SLC75A1: variants seen among roughly 807,000 people sequenced by gnomAD.
The protein encoded by SLC75A1 is solute carrier family 75 member 1.
the SLC75A1 span, chr4:2,932,893 C>T: frequency 1.6e-6 from 2 of 1,213,496 alleles, no homozygotes. Flanking sequence ...CTTGCGTTCT[C>T]AGTGCCTTCC....
At chr4:2,932,664 T>C in the SLC75A1 span, 1 of 1,611,582 alleles carries the variant, frequency 6.2e-7, no homozygotes, top group Non-Finnish European at 8.5e-7. Flanking sequence ...GAGGCTGACG[T>C]TCCCTTTGCT....
chr4:2,934,284 TCCCGA>T, the SLC75A1 span: 1 of 154,984 alleles, frequency 6.5e-6, no homozygotes. Flanking sequence ...GGAACCCGGA[TCCCGA>T]TCCCGATCCC....
chr4:2,934,078 C>A, the SLC75A1 span: 2 of 808,274 alleles, frequency 2.5e-6, no homozygotes, highest in Non-Finnish European at 3.8e-6. Context: ...ACGCAGGGGC[C>A]GTTCTGGCCT....
chr4:2,931,728 G>C, the SLC75A1 span: 1 of 1,554,498 alleles, frequency 6.4e-7, no homozygotes, highest in South Asian at 1.1e-5. Context: ...GCCAGGGCGA[G>C]AGTGGCTGCC....
the SLC75A1 span, chr4:2,931,192 G>T: frequency 1.3e-6 from 2 of 1,557,842 alleles, no homozygotes; most frequent in Non-Finnish European, 8.7e-7. Flanking sequence ...CCCTTCTCCC[G>T]CTCAGGTGGC....
the SLC75A1 span, chr4:2,931,356 C>A: frequency 6.5e-7 from 1 of 1,545,010 alleles, no homozygotes; most frequent in Non-Finnish European, 8.7e-7. Context: ...GGATCCCCTG[C>A]CAGGGCAGGG....
chr4:2,932,912 A>G, the SLC75A1 span: 1 of 1,104,350 alleles, frequency 9.1e-7, no homozygotes, highest in South Asian at 1.6e-5. Context: ...CCTAGGGGCC[A>G]GGAGCAGCTC....
chr4:2,933,393 C>T, the SLC75A1 span, among the ~76,000 whole-genome samples: 1 of 152,180 alleles, frequency 6.6e-6, no homozygotes, highest in Non-Finnish European at 1.5e-5. Context: ...GAACGTGACA[C>T]GCGGAGGCAA....
At chr4:2,931,948 T>C in the SLC75A1 span, 1 of 1,600,994 alleles carries the variant, frequency 6.2e-7, no homozygotes, top group Admixed American at 1.7e-5. Context: ...TGGGGAGAGG[T>C]GGCGCGTGCT....
At chr4:2,932,142 G>A in the SLC75A1 span, 8 of 1,606,596 alleles carry the variant, frequency 5.0e-6, no homozygotes, top group African/African-American at 1.3e-5. Flanking sequence ...ACCCCAGGGC[G>A]ATAGAGGGCG....
chr4:2,932,129 G>A, the SLC75A1 span: 19 of 1,609,116 alleles, frequency 1.2e-5, no homozygotes, highest in African/African-American at 1.1e-4. Flanking sequence ...GCCGCATCAC[G>A]GAACCCCAGG....
chr4:2,930,677 T>A, the SLC75A1 span: 4 of 656,588 alleles, frequency 6.1e-6, no homozygotes, highest in Non-Finnish European at 7.7e-6. Flanking sequence ...ACTGAAGGAG[T>A]AAGTAAGTCT....
the SLC75A1 span, chr4:2,930,883 G>A: frequency 6.2e-7 from 1 of 1,613,098 alleles, no homozygotes; most frequent in Non-Finnish European, 8.5e-7. Flanking sequence ...GCTTCTGCAG[G>A]AGGAAGAAGG....
chr4:2,934,362 G>A, the SLC75A1 span: 198 of 202,430 alleles, frequency 9.8e-4, no homozygotes, highest in Non-Finnish European at 1.4e-3. Flanking sequence ...CCCCTGGCCC[G>A]GACTCGGTCT....
the SLC75A1 span, chr4:2,933,090 A>T: frequency 1.9e-6 from 3 of 1,610,608 alleles, no homozygotes; most frequent in Non-Finnish European, 2.5e-6. Flanking sequence ...ATGGGCACCC[A>T]GGCCCAGGAA....
At chr4:2,933,690 G>T in the SLC75A1 span, 3 of 1,612,536 alleles carry the variant, frequency 1.9e-6, no homozygotes, top group South Asian at 3.3e-5. Flanking sequence ...CACGATAAGG[G>T]CTGGGGAGGT....
At chr4:2,933,018 G>T in the SLC75A1 span, 3 of 1,341,648 alleles carry the variant, frequency 2.2e-6, no homozygotes, top group Non-Finnish European at 3.1e-6. Flanking sequence ...GGGGCCCACA[G>T]CCACCTCCCT....
chr4:2,931,063 G>C, the SLC75A1 span: 1 of 1,605,734 alleles, frequency 6.2e-7, no homozygotes, highest in Non-Finnish European at 8.5e-7. Flanking sequence ...GCCCTCACCT[G>C]AAGCGGCCAC....
chr4:2,933,627 A>C, the SLC75A1 span: 1 of 1,613,722 alleles, frequency 6.2e-7, no homozygotes, highest in African/African-American at 1.3e-5. Context: ...GTGGCAAACC[A>C]GTCCACCCCG....
Sources: gnomAD v4.1 joint callset for allele counts (sites outside exome capture counted in the v4.1 genomes callset) on GRCh38, gnomAD v4.1.1 for gene constraint, MANE v1.5 for transcripts, NCBI Gene and HGNC (gene_info 2026-07-23, HGNC 2026-07-21) for gene names.